Variants in OSBPL1A observed in about 807,000 individuals in gnomAD.
The protein encoded by OSBPL1A is oxysterol binding protein like 1A, also known as oxysterol-binding protein-related protein 1.
Under a neutral mutation model 137.1 loss-of-function variants are expected in OSBPL1A, and 80 were observed. The ratio of observed to expected loss-of-function variants is 0.58; its 90% CI spans 0.49 to 0.70. The LOEUF is 0.70. Ranked by LOEUF, OSBPL1A falls within the 30% of genes least tolerant of loss-of-function variation. The pLI is 0.00. For missense variants in OSBPL1A, 970 were observed against 1,129.4 expected (o/e 0.86, Z 2.02); for synonymous variants, 365 against 389.7 (o/e 0.94, Z 0.75).
chr18:24,260,719 G>C (rs1432531227), intron 15 of OSBPL1A, among the ~76,000 whole-genome samples: 1 of 151,598 alleles, frequency 6.6e-6, no homozygotes, highest in African/African-American at 2.4e-5. Context: ...TTTGGAATAA[G>C]ACAGAGGTGA....
chr18:24,185,318 A>G (rs1395535434), intron 18 of OSBPL1A, among the ~76,000 whole-genome samples: 3 of 150,924 alleles, frequency 2.0e-5, no homozygotes, highest in Non-Finnish European at 4.4e-5. Context: ...AGGTTCACCA[A>G]TTCTTTTTTC....
intron 17 of OSBPL1A, among the ~76,000 whole-genome samples, chr18:24,211,526 C>T (rs2087544211): frequency 1.3e-5 from 2 of 151,738 alleles, no homozygotes; most frequent in African/African-American, 2.4e-5. Flanking sequence ...CTTTTTTGTC[C>T]CCTGAAAGGG....
At chr18:24,237,733 C>T (rs2088537249) in intron 16 of OSBPL1A, among the ~76,000 whole-genome samples, 1 of 152,178 alleles carries the variant, frequency 6.6e-6, no homozygotes, top group Admixed American at 6.5e-5. Flanking sequence ...GGATGCTCCC[C>T]ATAGAAGAAG....
intron 22 of OSBPL1A, among the ~76,000 whole-genome samples, chr18:24,171,964 G>A (rs1193124382): frequency 7.1e-6 from 1 of 140,108 alleles, no homozygotes; most frequent in Admixed American, 7.2e-5. Context: ...TTTTTGAGAT[G>A]GAGTCTTGCT....
chr18:24,298,415 T>G (rs1260121585), intron 14 of OSBPL1A, among the ~76,000 whole-genome samples: 1 of 152,218 alleles, frequency 6.6e-6, no homozygotes, highest in African/African-American at 2.4e-5. Flanking sequence ...GGTGCGATCT[T>G]GGCTCACTGC....
intron 14 of OSBPL1A, among the ~76,000 whole-genome samples, chr18:24,281,372 CCG>C (rs1224791307): frequency 6.6e-6 from 1 of 151,474 alleles, no homozygotes; most frequent in Non-Finnish European, 1.5e-5. Context: ...GCGTGAGTCA[CCG>C]CGCCCGGCTT....
At chr18:24,308,098 G>A (rs865784101) in intron 13 of OSBPL1A, among the ~76,000 whole-genome samples, 33 of 148,904 alleles carry the variant, frequency 2.2e-4, no homozygotes, top group Middle Eastern at 7.2e-3. Context: ...CATTAAACTC[G>A]AGCATCATCT....
intron 15 of OSBPL1A, among the ~76,000 whole-genome samples, chr18:24,263,519 G>A (rs1336503432): frequency 6.6e-6 from 1 of 152,140 alleles, no homozygotes; most frequent in African/African-American, 2.4e-5. Flanking sequence ...AAAACACTGC[G>A]ATTGCAATAT....
At chr18:24,248,432 G>A (rs1271391147) in intron 15 of OSBPL1A, among the ~76,000 whole-genome samples, 3 of 152,136 alleles carry the variant, frequency 2.0e-5, no homozygotes, top group Non-Finnish European at 2.9e-5. Context: ...CACTAAAAAT[G>A]CCCCTTTCTT....
At chr18:24,370,859 G>C (rs1225147612) in intron 2 of OSBPL1A, among the ~76,000 whole-genome samples, 2 of 152,060 alleles carry the variant, frequency 1.3e-5, no homozygotes, top group Admixed American at 1.3e-4. Flanking sequence ...TGTAGGGATG[G>C]GGTTTTGCCA....
chr18:24,309,112 T>C (rs924324862), intron 13 of OSBPL1A, among the ~76,000 whole-genome samples: 2 of 152,172 alleles, frequency 1.3e-5, no homozygotes, highest in Non-Finnish European at 2.9e-5. Flanking sequence ...TAAATGTAAA[T>C]AGCCACATGT....
rs75803192 is a variant in OSBPL1A at position 24,201,339 on chromosome 18, A to G, written c.1602-5139T>C. Among the ~76,000 whole-genome samples, 1,098 of 152,320 alleles carry G rather than the reference A, an allele frequency of 7.2e-3. 12 individuals carry two copies. Among genetic ancestry groups the G allele is most frequent in the African/African-American group, 0.024 (1,006 of 41,568 alleles). On this transcript the variant is annotated intron_variant, in intron 17 of 27. Coordinates refer to ENST00000319481, the MANE Select transcript of OSBPL1A (RefSeq NM_080597.4). ...TACACAGCATTGTAGGCAGACCCCA[A>G]AGAACCAAATTCATTAAAGAAGTGT...
intron 18 of OSBPL1A, among the ~76,000 whole-genome samples, chr18:24,194,451 T>C (rs963917451): frequency 6.6e-6 from 1 of 152,190 alleles, no homozygotes; most frequent in Admixed American, 6.5e-5. Context: ...GGTAAACATA[T>C]TTAACTAAGG....
intron 17 of OSBPL1A, among the ~76,000 whole-genome samples, chr18:24,210,678 G>A (rs1274641535): frequency 1.3e-5 from 2 of 151,834 alleles, no homozygotes. Context: ...GGGACCACAG[G>A]CAAGTGCCAC....
chr18:24,385,202 C>A (rs1906881407), intron 1 of OSBPL1A, among the ~76,000 whole-genome samples: 1 of 152,044 alleles, frequency 6.6e-6, no homozygotes, highest in African/African-American at 2.4e-5. Flanking sequence ...GATCCGCCCG[C>A]CCCGGCCTCC....
chr18:24,393,631 T>G (rs1907524409), intron 1 of OSBPL1A, among the ~76,000 whole-genome samples: 1 of 152,072 alleles, frequency 6.6e-6, no homozygotes, highest in Admixed American at 6.6e-5. Flanking sequence ...TTTTTGTAGT[T>G]TTTAGTAGAG....
intron 2 of OSBPL1A, among the ~76,000 whole-genome samples, chr18:24,369,951 G>A (rs1905492875): frequency 6.6e-6 from 1 of 152,304 alleles, no homozygotes. Context: ...GCCGAGCATG[G>A]TGGCTCATGC....
chr18:24,273,562 T>C (rs1374782696), intron 15 of OSBPL1A, among the ~76,000 whole-genome samples: 1 of 152,258 alleles, frequency 6.6e-6, no homozygotes, highest in Non-Finnish European at 1.5e-5. Context: ...TAGCAGAGTT[T>C]AGATCCAGAT....
intron 16 of OSBPL1A, among the ~76,000 whole-genome samples, chr18:24,229,833 C>A: frequency 6.6e-6 from 1 of 152,018 alleles, no homozygotes. Flanking sequence ...TCACTGCAAC[C>A]TCTGCCTCCC....
Sources: allele counts gnomAD v4.1 joint callset (sites outside exome capture counted in the v4.1 genomes callset), GRCh38; gene constraint gnomAD v4.1.1; transcripts MANE v1.5; gene names NCBI Gene and HGNC (gene_info 2026-07-23, HGNC 2026-07-21).